INPP4B: variants seen among roughly 807,000 people sequenced by gnomAD.
INPP4B encodes inositol polyphosphate-4-phosphatase type II B.
A neutral mutation model predicts 122.5 loss-of-function variants in INPP4B; 55 were observed. The observed-to-expected ratio is 0.45, with a 90% confidence interval of 0.36 to 0.56. The LOEUF (loss-of-function observed/expected upper bound fraction) is 0.56. Among genes scored for constraint, INPP4B ranks in the 20% least tolerant of loss-of-function variants. The probability of loss-of-function intolerance (pLI) is 0.00; values close to 1 mark genes in which losing one functional copy is unlikely to be tolerated. For synonymous variants in INPP4B, 403 were observed against 388.7 expected (o/e 1.04, Z -0.43); for missense variants, 1,000 against 1,097.7 (o/e 0.91, Z 1.26).
chr4:142,561,917 A>G (rs1560802762), intron 2 of INPP4B, among the ~76,000 whole-genome samples: 1 of 152,050 alleles, frequency 6.6e-6, no homozygotes, highest in Non-Finnish European at 1.5e-5. Context: ...TTTTGCAAAG[A>G]GTTTCTATGT....
At chr4:142,451,251 T>G (rs558744356) in intron 3 of INPP4B, among the ~76,000 whole-genome samples, 9 of 142,410 alleles carry the variant, frequency 6.3e-5, no homozygotes, top group African/African-American at 2.1e-4. Context: ...CTGTTGTTTT[T>G]TTTTTTTTTT....
chr4:142,722,399 T>C (rs778271179), intron 2 of INPP4B, among the ~76,000 whole-genome samples: 1 of 152,100 alleles, frequency 6.6e-6, no homozygotes. Flanking sequence ...GAGACATAAA[T>C]AAGGTAAGAA....
chr4:142,544,274 C>T (rs1382742648), intron 2 of INPP4B, among the ~76,000 whole-genome samples: 3 of 151,976 alleles, frequency 2.0e-5, no homozygotes, highest in Admixed American at 2.0e-4. Flanking sequence ...ATCAATCTGG[C>T]TCTCAAAGTG....
At chr4:142,591,206 G>A (rs1737410752) in intron 2 of INPP4B, among the ~76,000 whole-genome samples, 1 of 151,864 alleles carries the variant, frequency 6.6e-6, no homozygotes, top group South Asian at 2.1e-4. Context: ...GGCTGGGGTG[G>A]GCTGAGAAGT....
chr4:142,348,306 A>T (rs763111987), intron 7 of INPP4B, among the ~76,000 whole-genome samples: 2 of 152,068 alleles, frequency 1.3e-5, no homozygotes, highest in African/African-American at 2.4e-5. Context: ...ATAAAAATGC[A>T]GTGACCTTTG....
chr4:142,511,324 A>G (rs1580248402), intron 2 of INPP4B, among the ~76,000 whole-genome samples: 1 of 152,160 alleles, frequency 6.6e-6, no homozygotes, highest in South Asian at 2.1e-4. Context: ...AAATTATTAT[A>G]AAGAGCAGCA....
At chr4:142,379,813 G>A (rs1365808837) in intron 7 of INPP4B, among the ~76,000 whole-genome samples, 4 of 152,176 alleles carry the variant, frequency 2.6e-5, no homozygotes, top group East Asian at 1.9e-4. Context: ...CAGTGTCCAC[G>A]TCAGGCACTG....
intron 2 of INPP4B, among the ~76,000 whole-genome samples, chr4:142,494,550 T>C (rs1580206738): frequency 6.6e-6 from 1 of 151,708 alleles, no homozygotes. Flanking sequence ...AATTGGAAAA[T>C]GTTTCTATTT....
intron 2 of INPP4B, among the ~76,000 whole-genome samples, chr4:142,550,766 T>C (rs912841631): frequency 6.6e-6 from 1 of 152,044 alleles, no homozygotes; most frequent in Non-Finnish European, 1.5e-5. Context: ...AAAATGTGGT[T>C]CTTATTTCCA....
At chr4:142,585,966 C>T (rs181384917) in intron 2 of INPP4B, among the ~76,000 whole-genome samples, 189 of 151,876 alleles carry the variant, frequency 1.2e-3, no homozygotes, top group African/African-American at 4.5e-3. Flanking sequence ...CCCTTCAACT[C>T]GTCATTTACA....
chr4:142,477,961 C>A (rs1820007543), intron 2 of INPP4B, among the ~76,000 whole-genome samples: 3 of 152,280 alleles, frequency 2.0e-5, no homozygotes, highest in Admixed American at 2.0e-4. Context: ...CACCACCACA[C>A]CTAGCTAATA....
chr4:142,553,443 T>G (rs1277086647), intron 2 of INPP4B, among the ~76,000 whole-genome samples: 1 of 152,222 alleles, frequency 6.6e-6, no homozygotes, highest in South Asian at 2.1e-4. Context: ...TTGCTTTCTA[T>G]GCCCTTTCAT....
chr4:142,135,886 G>A (rs920828993), intron 18 of INPP4B, among the ~76,000 whole-genome samples: 9 of 119,796 alleles, frequency 7.5e-5, no homozygotes, highest in Admixed American at 1.6e-4. Flanking sequence ...TAGCTCCCCC[G>A]CCCAGGTTCA....
rs543869388 is a variant in INPP4B, at chr4:142,728,193, T to A, written c.-253-2292A>T. ...CACTGGGAGTAAAATGGACAAAATA[T>A]AAAGTGGCATTTCTAATAGCTGAGC... On this transcript the variant is annotated intron_variant, in intron 1 of 25. Transcript: ENST00000262992. 7.9e-5 allele frequency among the ~76,000 whole-genome samples: 12 copies of A among 152,302 alleles called. No individual in the cohort carries two copies. In the East Asian group the frequency reaches 2.3e-3, roughly 29 times the overall value.
chr4:142,752,208 G>T (rs993665297), intron 1 of INPP4B, among the ~76,000 whole-genome samples: 4 of 151,978 alleles, frequency 2.6e-5, no homozygotes, highest in Non-Finnish European at 4.4e-5. Flanking sequence ...ATCACATCCA[G>T]CTGAAAAAGA....
rs548886712 is a variant in INPP4B at position 142,211,235 on chromosome 4, C to T, written c.837-2209G>A. On this transcript the variant is annotated intron_variant, in intron 12 of 25. Transcript: ENST00000262992. ...ATGGGGCAGAGTAAGAGAGTCACTG[C>T]ATTTTTTAAAAAGGAAAGAAATTAA... is the stretch of plus-strand genomic sequence containing the variant. 2.6e-5 allele frequency among the ~76,000 whole-genome samples: 4 copies of T among 152,146 alleles called. No homozygotes were observed. In the East Asian group the frequency reaches 7.7e-4, roughly 29 times the overall value.
At chr4:142,133,505 A>T (rs1460723567) in intron 18 of INPP4B, among the ~76,000 whole-genome samples, 1 of 152,108 alleles carries the variant, frequency 6.6e-6, no homozygotes, top group East Asian at 1.9e-4. Flanking sequence ...TACCCTCTTC[A>T]TGTATAGTCT....
At chr4:142,236,799 C>T (rs529068898) in intron 12 of INPP4B, among the ~76,000 whole-genome samples, 23 of 152,136 alleles carry the variant, frequency 1.5e-4, no homozygotes, top group African/African-American at 4.1e-4. Context: ...GCTTCAGAGT[C>T]GACCAAAAGA....
At chr4:142,350,328 T>C (rs1171431112) in intron 7 of INPP4B, among the ~76,000 whole-genome samples, 1 of 152,026 alleles carries the variant, frequency 6.6e-6, no homozygotes, top group African/African-American at 2.4e-5. Context: ...GTCACTTCTA[T>C]ATGATAATTT....
Sources: allele counts gnomAD v4.1 joint callset (sites outside exome capture counted in the v4.1 genomes callset), GRCh38; gene constraint gnomAD v4.1.1; transcripts MANE v1.5; gene names NCBI Gene and HGNC (gene_info 2026-07-23, HGNC 2026-07-21).